ATP12A: variants seen among roughly 807,000 people sequenced by gnomAD.
ATP12A encodes ATPase H+/K+ transporting non-gastric alpha2 subunit, also known as potassium-transporting ATPase alpha chain 2.
A neutral mutation model predicts 111.2 loss-of-function variants in ATP12A; 81 were observed. The ratio of observed to expected loss-of-function variants is 0.73; its 90% CI spans 0.61 to 0.88. ATP12A has a LOEUF of 0.88. Ranked by LOEUF, ATP12A falls within the 40% of genes least tolerant of loss-of-function variation. The probability of loss-of-function intolerance (pLI) is 0.00; values close to 1 mark genes in which losing one functional copy is unlikely to be tolerated. For missense variants in ATP12A, 1,196 were observed against 1,313.1 expected (o/e 0.91, Z 1.38); for synonymous variants, 498 against 499.8 (o/e 1.00, Z 0.05).
chr13:24,683,326 C>G (rs191550521), intron 2 of ATP12A, among the ~76,000 whole-genome samples: 2 of 152,150 alleles, frequency 1.3e-5, no homozygotes, highest in African/African-American at 2.4e-5. Context: ...TTGGGAACAC[C>G]GAAGGGGAAA....
chr13:24,692,663 G>A, intron 9 of ATP12A, 36 bp downstream of exon 9: 1 of 1,602,360 alleles, frequency 6.2e-7, no homozygotes, highest in African/African-American at 1.3e-5. Context: ...GGCCAAAGCT[G>A]TGGACTCCAT....
At chr13:24,699,944 G>T (rs1875321621) in intron 12 of ATP12A, among the ~76,000 whole-genome samples, 1 of 152,204 alleles carries the variant, frequency 6.6e-6, no homozygotes, top group African/African-American at 2.4e-5. Context: ...AAATGAGATG[G>T]TGATGCTTTA....
intron 11 of ATP12A, among the ~76,000 whole-genome samples, chr13:24,694,975 A>G (rs1875075095): frequency 6.6e-6 from 1 of 152,100 alleles, no homozygotes. Context: ...AGGGAGGCCG[A>G]ACACCTGCTC....
chr13:24,707,509 G>A, intron 17 of ATP12A, 76 bp downstream of exon 17: 1 of 1,572,162 alleles, frequency 6.4e-7, no homozygotes, highest in Non-Finnish European at 8.7e-7. Flanking sequence ...ACCTTCAAGG[G>A]CCGGGGATGG....
At chr13:24,689,178 A>G (rs1216419907) in intron 4 of ATP12A, 84 bp from the exon 5 acceptor site, 2 of 1,054,574 alleles carry the variant, frequency 1.9e-6, no homozygotes, top group East Asian at 2.4e-5. Flanking sequence ...CCAGCATTGC[A>G]TCCTCCCGTG....
chr13:24,711,196 G>A (rs939344257), intron 21 of ATP12A, 122 bp from the exon 22 acceptor site: 26 of 947,972 alleles, frequency 2.7e-5, no homozygotes, highest in Non-Finnish European at 3.6e-5. Flanking sequence ...GTGGGACCTC[G>A]TGGATTTGTC....
chr13:24,690,281 G>A, intron 5 of ATP12A, 57 bp from the exon 6 acceptor site: 1 of 1,597,462 alleles, frequency 6.3e-7, no homozygotes. Flanking sequence ...CACAGACTTG[G>A]GGGAGGGCCG....
intron 19 of ATP12A, among the ~76,000 whole-genome samples, chr13:24,710,213 T>C (rs1875902155): frequency 6.6e-6 from 1 of 152,212 alleles, no homozygotes; most frequent in Non-Finnish European, 1.5e-5. Context: ...GAGACCAGCC[T>C]GGCCAACACA....
Position 24,692,476 on chromosome 13 carries a change from G to C in ATP12A, c.1116G>C (p.Leu372=). 6.2e-7 allele frequency: 1 copy of C among 1,614,152 alleles called. No individual in the cohort carries two copies. The change falls in exon 9 of 23, where the codon CTG becomes CTC. Residue 372 remains leucine (L), a synonymous_variant. Coordinates refer to ENST00000381946, the MANE Select transcript of ATP12A (RefSeq NM_001676.7). ...AACGGATGGCCAAGAAGAACTGCCT[G>C]GTGAAGAACCTGGAGGCTGTGGAGA... ...TAKRMAKKNC[L]VKNLEAVETL...
At chr13:24,682,400 T>TGTGC (rs1491158117) in intron 2 of ATP12A, among the ~76,000 whole-genome samples, 3 of 149,818 alleles carry the variant, frequency 2.0e-5, no homozygotes, top group Non-Finnish European at 3.0e-5. Context: ...GTGGTGTGTG[T>TGTGC]ATGTGTGTGT....
In ATP12A at chr13:24,691,219, A is replaced by G. The variant is rs777656059; in HGVS notation, c.1037A>G (p.Asn346Ser). Residue 346 changes from asparagine to serine, a missense_variant, in exon 8 of 23, where the codon AAT (asparagine) becomes AGT (serine). Asn to Ser is a conservative substitution (Grantham distance 46). Around this residue, in one of 3 missense-constraint regions of ATP12A, gnomAD observed 1,126 missense variants for 1,228.5 expected, o/e 0.92. Coordinates refer to ENST00000381946, the MANE Select transcript of ATP12A (RefSeq NM_001676.7). Reference protein sequence around the residue: ...IIFLIGIIVANVPEGLLATVT... With the variant: ...IIFLIGIIVASVPEGLLATVT... ...TTCCTCATTGGCATCATTGTGGCCA[A>G]TGTGCCCGAGGGCCTCCTGGCCACT... 5.0e-6 allele frequency: 8 copies of G among 1,613,866 alleles called. No individual in the cohort carries two copies. The highest frequency in any genetic ancestry group is 5.9e-6 in the Non-Finnish European group (7 of 1,179,882).
intron 2 of ATP12A, among the ~76,000 whole-genome samples, chr13:24,682,030 GTGTGTGTA>G (rs756281894): frequency 1.9e-4 from 13 of 68,328 alleles, no homozygotes; most frequent in Non-Finnish European, 3.9e-4. Flanking sequence ...GTAGTGTGTG[GTGTGTGTA>G]TGTGTGTGGT....
chr13:24,700,124 G>T (rs1875329097), intron 12 of ATP12A, among the ~76,000 whole-genome samples: 1 of 152,186 alleles, frequency 6.6e-6, no homozygotes, highest in South Asian at 2.1e-4. Context: ...AGACACAAGA[G>T]TCCCTTCCAC....
At position 24,680,655 on chromosome 13, in the gene ATP12A, A is replaced by T; in HGVS notation, c.-89A>T. 1 of 1,447,454 alleles carries T rather than the reference A, an allele frequency of 6.9e-7. No individual in the cohort carries two copies. The highest frequency in any genetic ancestry group is 1.3e-5 in the South Asian group (1 of 79,406). The allele number at this position is 1,447,454 out of a possible 1,614,324, so 89.7% of individuals were successfully genotyped here. A position where few individuals can be genotyped will look rare whatever the true frequency, so the allele number is the denominator to read the frequency against. ...ACACCTCAGCCACTGCCACTGCCAC[A>T]GCCACACGAGGCCCCCCACCGTGCG... On this transcript the variant is annotated 5_prime_UTR_variant, in exon 1 of 23. Transcript: ENST00000381946.
intron 1 of ATP12A, 71 bp downstream of exon 1, chr13:24,680,823 G>A: frequency 7.0e-7 from 1 of 1,421,138 alleles, no homozygotes. Context: ...GGAGCAGGCT[G>A]ACGGGAAGCG....
Position 24,685,272 on chromosome 13 carries a change from G to A in ATP12A, c.169-42G>A, listed in dbSNP as rs1313844207. On this transcript the variant is annotated intron_variant, in intron 2 of 22. Transcript: ENST00000381946. The surrounding 1 kb of genome is among the most constrained non-coding windows in gnomAD (Gnocchi z 5.5). ...CAAAGCTTGGGGCTTGAGTCTTTTG[G>A]AATTATCTAATTCACTCTGTTCTTC... 15 of 1,592,886 alleles carry A rather than the reference G, an allele frequency of 9.4e-6. No homozygotes were observed. The highest frequency in any genetic ancestry group is 1.3e-5 in the Non-Finnish European group (15 of 1,160,902).
At chr13:24,689,473 C>A in intron 5 of ATP12A, 98 bp downstream of exon 5, 1 of 1,010,664 alleles carries the variant, frequency 9.9e-7, no homozygotes, top group Admixed American at 2.2e-5. Flanking sequence ...CGGGTTTCCA[C>A]TTCCTTCCCT....
At chr13:24,708,922 A>AAAGAAAG (rs1159535159) in intron 17 of ATP12A, among the ~76,000 whole-genome samples, 1 of 133,058 alleles carries the variant, frequency 7.5e-6, no homozygotes, top group African/African-American at 3.1e-5. Context: ...AGAAAGAAAG[A>AAAGAAAG]AAGAAAGAAA....
chr13:24,706,975 C>T, intron 15 of ATP12A, 48 bp from the exon 16 acceptor site: 2 of 1,535,722 alleles, frequency 1.3e-6, no homozygotes, highest in African/African-American at 1.4e-5. Context: ...GGCCTGCAAC[C>T]CACTGGGCCT....
Sources: allele counts gnomAD v4.1 joint callset (sites outside exome capture counted in the v4.1 genomes callset), GRCh38; gene constraint gnomAD v4.1.1; regional missense constraint gnomAD v4.1.1; non-coding constraint Gnocchi (gnomAD v3.1); transcripts MANE v1.5; gene names NCBI Gene and HGNC (gene_info 2026-07-23, HGNC 2026-07-21).